ANO2: variants seen among roughly 807,000 people sequenced by gnomAD.
The protein encoded by ANO2 is anoctamin 2, also known as anoctamin-2.
ANO2 carries 101 observed loss-of-function variants against 124.2 expected under a neutral mutation model. That is an observed-to-expected ratio of 0.81 (90% CI 0.69 to 0.96). ANO2 has a LOEUF of 0.96. Ranked by LOEUF, ANO2 falls within the 40% of genes least tolerant of loss-of-function variation. The pLI is 0.00. For synonymous variants in ANO2, 486 were observed against 482.5 expected, an observed-to-expected ratio of 1.01 and a Z score of -0.09; for missense variants, 1,293 against 1,274.5, an observed-to-expected ratio of 1.01 and a Z score of -0.22.
At chr12:5,579,208 G>A (rs555206268) in intron 20 of ANO2, among the ~76,000 whole-genome samples, 41 of 152,346 alleles carry the variant, frequency 2.7e-4, no homozygotes, top group African/African-American at 9.6e-4. Context: ...GAAGGCAAAG[G>A]TCTGTTCTGG....
intron 1 of ANO2, among the ~76,000 whole-genome samples, chr12:5,931,531 G>T (rs1942385753): frequency 6.7e-6 from 1 of 148,556 alleles, no homozygotes; most frequent in African/African-American, 2.5e-5. Flanking sequence ...GACTAGTAAG[G>T]AAGGAAGACT....
chr12:5,589,655 C>T, intron 20 of ANO2, among the ~76,000 whole-genome samples: 1 of 152,048 alleles, frequency 6.6e-6, no homozygotes, highest in Non-Finnish European at 1.5e-5. Flanking sequence ...CCAAAGGCAT[C>T]TCTATTTTAG....
chr12:5,567,715 T>TGG (rs1398092840), intron 23 of ANO2, among the ~76,000 whole-genome samples: 1 of 152,222 alleles, frequency 6.6e-6, no homozygotes, highest in African/African-American at 2.4e-5. Context: ...CCTCTGCTAT[T>TGG]AACTCACCCC....
At chr12:5,861,153 G>A (rs1023603691) in intron 3 of ANO2, among the ~76,000 whole-genome samples, 1 of 152,176 alleles carries the variant, frequency 6.6e-6, no homozygotes, top group Non-Finnish European at 1.5e-5. Flanking sequence ...AAGACCTGCA[G>A]CCCAAGAGTC....
intron 23 of ANO2, among the ~76,000 whole-genome samples, chr12:5,568,875 G>A (rs1416921588): frequency 6.6e-6 from 1 of 152,224 alleles, no homozygotes; most frequent in East Asian, 1.9e-4. Context: ...CATCTATAAA[G>A]TGGGCCTGAA....
upstream of ANO2, chr12:5,946,145 A>G (rs1185370463): frequency 1.9e-6 from 3 of 1,613,882 alleles, no homozygotes; most frequent in East Asian, 6.7e-5. This position sits in a 1 kb window ranked among gnomAD's most constrained non-coding sequence, Gnocchi z 4.1. Flanking sequence ...ATTTGTGATC[A>G]CTGACCTTCA....
At chr12:5,574,638 CCTCTT>C (rs1044927873) in intron 23 of ANO2, among the ~76,000 whole-genome samples, 7 of 152,294 alleles carry the variant, frequency 4.6e-5, no homozygotes, top group East Asian at 1.9e-4. Flanking sequence ...CTTCTCCTCT[CCTCTT>C]AATTCCTCCC....
At chr12:5,666,222 C>A (rs192125427) in intron 14 of ANO2, among the ~76,000 whole-genome samples, 17 of 152,266 alleles carry the variant, frequency 1.1e-4, no homozygotes, top group African/African-American at 3.8e-4. Context: ...GAGTAGGCAA[C>A]CTGGAAAAAG....
At chr12:5,618,978 CT>C (rs1944974102) in intron 16 of ANO2, among the ~76,000 whole-genome samples, 1 of 152,236 alleles carries the variant, frequency 6.6e-6, no homozygotes, top group Non-Finnish European at 1.5e-5. Context: ...ACTGCCAATC[CT>C]ACAACACTGT....
intron 16 of ANO2, among the ~76,000 whole-genome samples, chr12:5,632,694 T>C (rs975816777): frequency 1.3e-5 from 2 of 152,200 alleles, no homozygotes; most frequent in Admixed American, 6.5e-5. Context: ...CCGCCTTGCA[T>C]ATGGGAAGTA....
At chr12:5,720,201 G>A (rs762934513) in intron 14 of ANO2, among the ~76,000 whole-genome samples, 5 of 152,162 alleles carry the variant, frequency 3.3e-5, no homozygotes, top group Non-Finnish European at 7.4e-5. Context: ...ATGATTGTCA[G>A]AAGCGCATAG....
At chr12:5,871,964 T>C (rs931679902) in intron 3 of ANO2, among the ~76,000 whole-genome samples, 12 of 152,202 alleles carry the variant, frequency 7.9e-5, no homozygotes. Flanking sequence ...GAAAGCTGCA[T>C]GAATGTTTCT....
chr12:5,578,314 G>A lies in ANO2; in HGVS notation c.2386+52C>T, dbSNP rs941760956. 2.5e-6 allele frequency: 4 copies of A among 1,589,610 alleles called. No individual in the cohort carries two copies. In the African/African-American group the frequency reaches 4.0e-5, roughly 16 times the overall value. On this transcript the variant is annotated intron_variant, in intron 21 of 24. Coordinates refer to ENST00000682330, the MANE Select transcript of ANO2 (RefSeq NM_001364791.2). ...GTGTGGTGTGACTGTGGCCAGAGGG[G>A]ACAGAATGGCAGAAGGATGGGCCTG...
intron 10 of ANO2, among the ~76,000 whole-genome samples, chr12:5,788,951 T>C (rs895820930): frequency 2.0e-5 from 3 of 152,344 alleles, no homozygotes; most frequent in Admixed American, 2.0e-4. Flanking sequence ...CTCTGCCTTC[T>C]TTTTCTTTCG....
At chr12:5,775,547 C>T (rs535334879) in intron 10 of ANO2, among the ~76,000 whole-genome samples, 8 of 151,340 alleles carry the variant, frequency 5.3e-5, no homozygotes, top group East Asian at 3.9e-4. Context: ...CTGCAAGCTC[C>T]GCCTCCCAGG....
At chr12:5,655,621 A>G (rs938284265) in intron 14 of ANO2, among the ~76,000 whole-genome samples, 1 of 152,232 alleles carries the variant, frequency 6.6e-6, no homozygotes, top group Non-Finnish European at 1.5e-5. Flanking sequence ...AATTGTTGGC[A>G]ATGTGACTGA....
intron 10 of ANO2, among the ~76,000 whole-genome samples, chr12:5,793,903 C>T (rs1475633540): frequency 2.0e-5 from 3 of 152,194 alleles, no homozygotes; most frequent in Non-Finnish European, 2.9e-5. Flanking sequence ...AAGGGTACAA[C>T]TGGAGGAGAG....
chr12:5,669,716 G>A (rs1262632139), intron 14 of ANO2, among the ~76,000 whole-genome samples: 1 of 152,176 alleles, frequency 6.6e-6, no homozygotes, highest in African/African-American at 2.4e-5. Flanking sequence ...AATGAAGACA[G>A]AAGCTAGGAG....
At position 5,832,500 on chromosome 12, in the gene ANO2, T is replaced by C. The variant is rs750042659; in HGVS notation, c.737A>G (p.Asn246Ser). 7 of 1,613,890 alleles carry C rather than the reference T, an allele frequency of 4.3e-6. No homozygotes were observed. Among genetic ancestry groups the C allele is most frequent in the African/African-American group, 1.3e-5 (1 of 74,926 alleles). ...LQPRVPEHSN[N>S]KMKNLSYPFS... is the part of the protein sequence containing the mutation. ...TGGGTAGGAGAGGTTTTTCATCTTG[T>C]TGTTGCTGTGTTCTGGAACTCGGGG... is the stretch of plus-strand genomic sequence containing the variant. Residue 246 changes from asparagine (N) to serine (S), a missense_variant, in exon 5 of 25, where the codon AAC (asparagine) becomes AGC (serine). Physicochemically the swap from Asn to Ser is conservative, Grantham distance 46. Coordinates refer to ENST00000682330, the MANE Select transcript of ANO2 (RefSeq NM_001364791.2).
Sources: allele counts gnomAD v4.1 joint callset (sites outside exome capture counted in the v4.1 genomes callset), GRCh38; gene constraint gnomAD v4.1.1; non-coding constraint Gnocchi (gnomAD v3.1); transcripts MANE v1.5; gene names NCBI Gene and HGNC (gene_info 2026-07-23, HGNC 2026-07-21).